The following TSGA13 variants were observed in gnomAD, a reference collection of about 807,000 sequenced individuals.
TSGA13 encodes testis specific 13.
Under a neutral mutation model 35.1 loss-of-function variants are expected in TSGA13, and 37 were observed. The observed-to-expected ratio is 1.05, with a 90% confidence interval of 0.81 to 1.39. The LOEUF (loss-of-function observed/expected upper bound fraction) is 1.39. Ranked by LOEUF, TSGA13 falls within the 40% of genes most tolerant of loss-of-function variation. TSGA13 has a pLI of 0.00. For missense variants in TSGA13, 338 were observed against 328.5 expected (o/e 1.03, Z -0.22); for synonymous variants, 124 against 121.2 (o/e 1.02, Z -0.15).
In TSGA13 at chr7:130,679,457, G is replaced by C. The variant is rs1349987668; in HGVS notation, c.175-90C>G. 5.2e-6 allele frequency: 6 copies of C among 1,144,574 alleles called. No individual in the cohort carries two copies. The Admixed American group carries it at 1.0e-4, about 19-fold the overall frequency. 70.9% of individuals were successfully genotyped at this position (1,144,574 alleles called of 1,614,324 possible). On this transcript the variant is annotated intron_variant, in intron 4 of 7. Coordinates refer to ENST00000356588, the MANE Select transcript of TSGA13 (RefSeq NM_052933.4). Reference sequence around the variant, plus strand: ...GTTGGCTGATACTTAGCCTCTGTGGGGTAAGAACAGAAGCTGGACAGACTT... The same window carrying C: ...GTTGGCTGATACTTAGCCTCTGTGGCGTAAGAACAGAAGCTGGACAGACTT...
intron 4 of TSGA13, among the ~76,000 whole-genome samples, 174 bp downstream of exon 4, chr7:130,680,772 C>T (rs1796525718): frequency 2.0e-5 from 3 of 152,196 alleles, no homozygotes; most frequent in South Asian, 4.1e-4. Context: ...CCCCAATCCT[C>T]AGCACTGCCT....
At chr7:130,681,109 TG>T in intron 3 of TSGA13, 92 bp from the exon 4 acceptor site, 1 of 1,098,324 alleles carries the variant, frequency 9.1e-7, no homozygotes, top group Non-Finnish European at 1.4e-6. Flanking sequence ...ACTGGAGAAC[TG>T]GTCTCTAACT....
At chr7:130,679,700 G>T (rs1465270762) in intron 4 of TSGA13, among the ~76,000 whole-genome samples, 3 of 151,896 alleles carry the variant, frequency 2.0e-5, no homozygotes, top group African/African-American at 7.3e-5. Context: ...TTCTGTTTTT[G>T]TTTTGTAGAG....
At chr7:130,681,137 G>A in intron 3 of TSGA13, 120 bp from the exon 4 acceptor site, 1 of 802,756 alleles carries the variant, frequency 1.2e-6, no homozygotes, top group Non-Finnish European at 2.1e-6. Context: ...AAGTAAGTTA[G>A]AGAAGTACAG....
At chr7:130,673,500 T>C (rs1267960122) in intron 5 of TSGA13, among the ~76,000 whole-genome samples, 1 of 152,102 alleles carries the variant, frequency 6.6e-6, no homozygotes, top group Non-Finnish European at 1.5e-5. Flanking sequence ...CCAATAGATA[T>C]CTCCCTGTAA....
intron 5 of TSGA13, among the ~76,000 whole-genome samples, chr7:130,677,965 A>T (rs1253326729): frequency 6.6e-6 from 1 of 152,224 alleles, no homozygotes; most frequent in Non-Finnish European, 1.5e-5. Context: ...AAGTTCCTTT[A>T]AGACAGAAAC....
intron 3 of TSGA13, 59 bp from the exon 4 acceptor site, chr7:130,681,076 A>G (rs367558876): frequency 1.1e-5 from 16 of 1,424,226 alleles, no homozygotes; most frequent in African/African-American, 1.4e-5. Flanking sequence ...ACAGTATTCC[A>G]TTCCTTACCT....
intron 2 of TSGA13, among the ~76,000 whole-genome samples, chr7:130,684,589 G>T (rs1054659922): frequency 1.4e-4 from 22 of 152,262 alleles, no homozygotes; most frequent in African/African-American, 5.1e-4. Context: ...AAATAGCCAC[G>T]CTATGTCGTT....
intron 4 of TSGA13, 135 bp from the exon 5 acceptor site, chr7:130,679,502 T>TTTTTGG (rs1796491603): frequency 4.9e-6 from 4 of 814,760 alleles, no homozygotes; most frequent in South Asian, 1.9e-5. Context: ...TCTGTAGGGT[T>TTTTTGG]TTTTGGTTTT....
intron 3 of TSGA13, among the ~76,000 whole-genome samples, chr7:130,682,440 G>C (rs1264313025): frequency 6.6e-6 from 1 of 151,298 alleles, no homozygotes; most frequent in Non-Finnish European, 1.5e-5. Context: ...TTTTTGTAGA[G>C]ATGAGGGTCT....
intron 7 of TSGA13, 138 bp downstream of exon 7, chr7:130,671,523 C>T (rs2116297205): frequency 3.0e-6 from 3 of 1,001,924 alleles, no homozygotes; most frequent in Non-Finnish European, 2.7e-6. Flanking sequence ...TTGTTGTTAA[C>T]TTCCATGCTA....
intron 4 of TSGA13, among the ~76,000 whole-genome samples, chr7:130,680,455 G>A (rs1022342998): frequency 4.7e-5 from 7 of 150,456 alleles, no homozygotes; most frequent in Non-Finnish European, 1.0e-4. Context: ...GCAGTGAGCC[G>A]AGATCGCACC....
chr7:130,669,991 A>T (rs943965774), intron 7 of TSGA13, among the ~76,000 whole-genome samples: 9 of 152,046 alleles, frequency 5.9e-5, no homozygotes, highest in Non-Finnish European at 1.3e-4. Context: ...ATAGGCCCAG[A>T]GGTTCTCAAG....
intron 5 of TSGA13, among the ~76,000 whole-genome samples, chr7:130,674,171 T>TTTC (rs1554463793): frequency 8.1e-6 from 1 of 123,618 alleles, no homozygotes; most frequent in Non-Finnish European, 1.7e-5. Context: ...CTTTTTTTCT[T>TTTC]TTTTTTTTTT....
rs1796597951 is a variant in TSGA13 at position 130,683,675 on chromosome 7, GA to G, written c.24-4del. On this transcript the variant is annotated splice_region_variant and splice_polypyrimidine_tract_variant and intron_variant, in intron 2 of 7. Transcript: ENST00000356588. ...TCTTTGATTTGCCATTTTGAAACCT[GA>G]AAAAGAGGCAGAACATCCGGTTGCA... is the stretch of plus-strand genomic sequence containing the variant. 6.2e-7 allele frequency: 1 copy of G among 1,613,488 alleles called. No individual in the cohort carries two copies. The highest frequency in any genetic ancestry group is 8.5e-7 in the Non-Finnish European group (1 of 1,179,638).
rs782455782 is a variant in TSGA13 at position 130,669,234 on chromosome 7, G to A, written c.659-51C>T. On this transcript the variant is annotated intron_variant, in intron 7 of 7. Coordinates refer to ENST00000356588, the MANE Select transcript of TSGA13 (RefSeq NM_052933.4). ...TGAATGTGGCTTTTCAGAAGTACTC[G>A]AAGGATACTTAATGTGAGATGTAAA... 5.0e-6 allele frequency: 8 copies of A among 1,607,914 alleles called. No individual in the cohort carries two copies. In the Admixed American group the frequency reaches 8.4e-5, roughly 17 times the overall value.
chr7:130,684,979 T>C (rs1584643899), intron 2 of TSGA13, among the ~76,000 whole-genome samples: 1 of 152,210 alleles, frequency 6.6e-6, no homozygotes, highest in South Asian at 2.1e-4. Flanking sequence ...ACAGCGTCCA[T>C]CTGGAACAAG....
In TSGA13 at chr7:130,668,944, A is replaced by C; in HGVS notation, c.*70T>G. 6.4e-7 allele frequency: 1 copy of C among 1,558,934 alleles called. No individual in the cohort carries two copies. The highest frequency in any genetic ancestry group is 1.2e-5 in the South Asian group (1 of 84,354). ...CCCGCAGCAGCAGGAATGTGGTTTT[A>C]TTTGGGTGGCGACTTCTGCGGACCC... On this transcript the variant is annotated 3_prime_UTR_variant, in exon 8 of 8. Coordinates refer to ENST00000356588, the MANE Select transcript of TSGA13 (RefSeq NM_052933.4).
At chr7:130,675,805 A>T (rs1422205578) in intron 5 of TSGA13, among the ~76,000 whole-genome samples, 1 of 152,126 alleles carries the variant, frequency 6.6e-6, no homozygotes, top group African/African-American at 2.4e-5. Context: ...GGGATTCTGG[A>T]TGTTGGTAGG....
Sources: gnomAD v4.1 joint callset for allele counts (sites outside exome capture counted in the v4.1 genomes callset) on GRCh38, gnomAD v4.1.1 for gene constraint, MANE v1.5 for transcripts, NCBI Gene and HGNC (gene_info 2026-07-23, HGNC 2026-07-21) for gene names.